The following ESF1 variants were observed in gnomAD, a reference collection of about 807,000 sequenced individuals.
The protein encoded by ESF1 is ESF1 homolog.
ESF1 carries 58 observed loss-of-function variants against 92.0 expected under a neutral mutation model. That is an observed-to-expected ratio of 0.63 (90% CI 0.51 to 0.78). ESF1 has a LOEUF of 0.78. Among genes scored for constraint, ESF1 ranks in the 30% least tolerant of loss-of-function variants. The pLI is 0.00. For missense variants in ESF1, 922 were observed against 989.1 expected, an observed-to-expected ratio of 0.93 and a Z score of 0.91; for synonymous variants, 321 against 313.7, an observed-to-expected ratio of 1.02 and a Z score of -0.24.
At position 13,783,020 on chromosome 20, in the gene ESF1, T is replaced by A; in HGVS notation, c.121A>T (p.Met41Leu). ...AACTTGAACTTCTTGTCATGAAACA[T>A]GGCTCGAAATCTCTTGTCAATTTTG... The part of the protein sequence containing the change: ...KVKIDKRFRA[M>L]FHDKKFKLNY... Residue 41 changes from methionine to leucine, a missense_variant, in exon 2 of 14, where the codon ATG becomes TTG. By Grantham distance (15) the Met-to-Leu change is conservative (BLOSUM62 2). Coordinates refer to ENST00000617257, the MANE Select transcript of ESF1 (RefSeq NM_001276380.2). 2 of 1,614,184 alleles carry A rather than the reference T, an allele frequency of 1.2e-6. No homozygotes were observed. The highest frequency in any genetic ancestry group is 1.7e-6 in the Non-Finnish European group (2 of 1,180,030).
chr20:13,774,634 G>A (rs930872752), intron 4 of ESF1, among the ~76,000 whole-genome samples: 2 of 152,152 alleles, frequency 1.3e-5, no homozygotes, highest in Admixed American at 6.5e-5. Flanking sequence ...TAACACTTAC[G>A]AGAATCAAGA....
Position 13,769,964 on chromosome 20 carries a change from CA to C in ESF1, c.1460del (p.Val487GlyfsTer3). ...DDEPKDVASE[V>X]NLTAYKPKYF... ...ATTTTGGTTTATATGCTGTTAAATTCACTTCTGAGGCTACATCCTTAGGCTC... is the reference window on the plus strand; with the variant it reads ...ATTTTGGTTTATATGCTGTTAAATTCCTTCTGAGGCTACATCCTTAGGCTC... On this transcript the variant is annotated frameshift_variant, in exon 7 of 14. Coordinates refer to ENST00000617257, the MANE Select transcript of ESF1 (RefSeq NM_001276380.2). LOFTEE classifies it high-confidence loss of function. 1 of 1,612,408 alleles carries C rather than the reference CA, an allele frequency of 6.2e-7. No homozygotes were observed. Among genetic ancestry groups the C allele is most frequent in the Non-Finnish European group, 8.5e-7 (1 of 1,179,748 alleles).
chr20:13,721,802 T>C (rs566774276), intron 11 of ESF1, among the ~76,000 whole-genome samples: 1 of 152,206 alleles, frequency 6.6e-6, no homozygotes, highest in South Asian at 2.1e-4. Context: ...ATATTTATTG[T>C]ATGCAGCCCT....
At position 13,775,277 on chromosome 20, in the gene ESF1, A is replaced by G. The variant is rs758133088; in HGVS notation, c.1036-7T>C. ...CTGCTAATCGACGTGTAATCTGAGA[A>G]ATGAGAAGAATTAAATAGTACATAA... On this transcript the variant is annotated splice_region_variant and splice_polypyrimidine_tract_variant and intron_variant, in intron 3 of 13. Transcript: ENST00000617257. 6.6e-7 allele frequency: 1 copy of G among 1,519,574 alleles called. No homozygotes were observed. Among genetic ancestry groups the G allele is most frequent in the Non-Finnish European group, 9.0e-7 (1 of 1,108,702 alleles). 94.1% of individuals were successfully genotyped at this position (1,519,574 alleles called of 1,614,324 possible).
At chr20:13,784,117 A>G (rs187775998) in intron 1 of ESF1, among the ~76,000 whole-genome samples, 3 of 152,314 alleles carry the variant, frequency 2.0e-5, no homozygotes, top group African/African-American at 7.2e-5. Flanking sequence ...ATAATATCTG[A>G]TTCTACCAGT....
intron 13 of ESF1, 90 bp from the exon 14 acceptor site, chr20:13,715,257 T>G: frequency 8.1e-7 from 1 of 1,234,758 alleles, no homozygotes; most frequent in Non-Finnish European, 1.1e-6. Flanking sequence ...TTTCGAAAGT[T>G]GGTGAGTTGA....
At chr20:13,751,218 T>A (rs1978619222) in intron 9 of ESF1, among the ~76,000 whole-genome samples, 1 of 152,202 alleles carries the variant, frequency 6.6e-6, no homozygotes, top group Admixed American at 6.5e-5. Flanking sequence ...AGTGACAGCT[T>A]ACTAGCCAGA....
chr20:13,773,939 C>G (rs1183950462), intron 4 of ESF1, among the ~76,000 whole-genome samples: 1 of 151,814 alleles, frequency 6.6e-6, no homozygotes, highest in Non-Finnish European at 1.5e-5. Flanking sequence ...ACTAAAAATA[C>G]AAAAAATTAG....
chr20:13,773,531 G>A (rs1355136966), intron 4 of ESF1, among the ~76,000 whole-genome samples: 2 of 151,998 alleles, frequency 1.3e-5, no homozygotes, highest in Non-Finnish European at 2.9e-5. Flanking sequence ...ATTAGGAGGT[G>A]AAGATCTGAA....
intron 9 of ESF1, among the ~76,000 whole-genome samples, chr20:13,740,868 GAGTCAAGAGGA>G (rs1413594789): frequency 2.6e-5 from 4 of 152,114 alleles, no homozygotes; most frequent in South Asian, 4.2e-4. Flanking sequence ...ACTTGCACAG[GAGTCAAGAGGA>G]AGTCTTGTGA....
intron 9 of ESF1, among the ~76,000 whole-genome samples, chr20:13,750,897 G>A (rs564565791): frequency 6.6e-6 from 1 of 152,196 alleles, no homozygotes; most frequent in East Asian, 1.9e-4. Flanking sequence ...CAGGAGGATC[G>A]CTTGAGCCCA....
At position 13,771,372 on chromosome 20, in the gene ESF1, A is replaced by T. The variant is rs1304523413; in HGVS notation, c.1362T>A (p.Asp454Glu). The T allele has an allele frequency of 6.2e-7, 1 of 1,612,488 alleles. No individual in the cohort carries two copies. Among genetic ancestry groups the T allele is most frequent in the African/African-American group, 1.3e-5 (1 of 74,904 alleles). ...ETASKIYEDC[D>E]GLEFESSCSF... ...AACAACTACTTTCAAATTCCAGGCC[A>T]TCACAATCCTCATAAATTTTACTAG... The change falls in exon 6 of 14, where the codon GAT (aspartate) becomes GAA (glutamate). Residue 454 changes from aspartate to glutamate, a missense_variant. Asp to Glu is a conservative substitution (Grantham distance 45, BLOSUM62 2). Coordinates refer to ENST00000617257, the MANE Select transcript of ESF1 (RefSeq NM_001276380.2).
intron 3 of ESF1, 145 bp from the exon 4 acceptor site, chr20:13,775,415 A>T: frequency 1.9e-6 from 1 of 515,524 alleles, no homozygotes. Context: ...TTCAGTATAT[A>T]AAAGAGAACT....
intron 9 of ESF1, among the ~76,000 whole-genome samples, chr20:13,758,924 G>A (rs1979025790): frequency 6.6e-6 from 1 of 152,118 alleles, no homozygotes; most frequent in East Asian, 1.9e-4. Context: ...GAATCCTATA[G>A]CTAGTATGTT....
At position 13,776,004 on chromosome 20, in the gene ESF1, G is replaced by A; in HGVS notation, c.904C>T (p.Leu302Phe). Residue 302 changes from leucine to phenylalanine, a missense_variant, in exon 3 of 14, where the codon CTT becomes TTT. Transcript: ENST00000617257. ...DDDKSDSGPDLARGKGNIETS... is the reference protein window; with the variant it reads ...DDDKSDSGPDFARGKGNIETS... ...TCTATATTTCCTTTACCCCTTGCAAGATCAGGGCCACTGTCACTTTTATCA... is the reference window on the plus strand; with the variant it reads ...TCTATATTTCCTTTACCCCTTGCAAAATCAGGGCCACTGTCACTTTTATCA... 2 of 1,613,822 alleles carry A rather than the reference G, an allele frequency of 1.2e-6. No individual in the cohort carries two copies. Among genetic ancestry groups the A allele is most frequent in the Non-Finnish European group, 1.7e-6 (2 of 1,179,902 alleles).
chr20:13,715,273 T>A, intron 13 of ESF1, 106 bp from the exon 14 acceptor site: 1 of 1,100,392 alleles, frequency 9.1e-7, no homozygotes, highest in Non-Finnish European at 1.2e-6. Flanking sequence ...GTTGATTATA[T>A]AAAATACAAA....
chr20:13,731,919 C>T (rs1014911525), intron 10 of ESF1, among the ~76,000 whole-genome samples: 1 of 152,222 alleles, frequency 6.6e-6, no homozygotes, highest in Non-Finnish European at 1.5e-5. Flanking sequence ...GGTGGAGCGC[C>T]CAGGGAGGCA....
chr20:13,724,315 TAAAAATAA>T, intron 11 of ESF1, among the ~76,000 whole-genome samples: 1 of 64,272 alleles, frequency 1.6e-5, no homozygotes, highest in Non-Finnish European at 3.7e-5. Flanking sequence ...ATAAATAAAA[TAAAAATAA>T]AATAAAAATT....
intron 9 of ESF1, among the ~76,000 whole-genome samples, chr20:13,753,092 A>C (rs1353963005): frequency 6.6e-6 from 1 of 152,120 alleles, no homozygotes; most frequent in Non-Finnish European, 1.5e-5. Flanking sequence ...AAGACGATCA[A>C]AACTAATCTC....
Sources: allele counts gnomAD v4.1 joint callset (sites outside exome capture counted in the v4.1 genomes callset), GRCh38; gene constraint gnomAD v4.1.1; transcripts MANE v1.5; gene names NCBI Gene and HGNC (gene_info 2026-07-23, HGNC 2026-07-21).